The following TMEM178B variants were observed in gnomAD, a reference collection of about 807,000 sequenced individuals.
TMEM178B encodes the protein transmembrane protein 178B.
A neutral mutation model predicts 31.0 loss-of-function variants in TMEM178B; 5 were observed. The observed-to-expected ratio is 0.16, with a 90% CI of 0.08 to 0.34. The LOEUF (loss-of-function observed/expected upper bound fraction) is 0.34. Among genes scored for constraint, TMEM178B ranks in the 10% least tolerant of loss-of-function variants. The pLI is 1.00. For synonymous variants in TMEM178B, 164 were observed against 164.0 expected (o/e 1.00, Z 0.00); for missense variants, 275 against 400.3 (o/e 0.69, Z 2.67).
At chr7:141,183,988 A>G (rs563845550) in intron 1 of TMEM178B, among the ~76,000 whole-genome samples, 1 of 152,144 alleles carries the variant, frequency 6.6e-6, no homozygotes, top group Non-Finnish European at 1.5e-5. Flanking sequence ...TCAACCAGTG[A>G]TGCTTCTTGG....
intron 1 of TMEM178B, among the ~76,000 whole-genome samples, chr7:141,207,106 A>C (rs1796979030): frequency 1.3e-5 from 2 of 152,346 alleles, no homozygotes; most frequent in Non-Finnish European, 2.9e-5. Flanking sequence ...TGCATGCAGC[A>C]AGCTTCCCTT....
chr7:141,483,075 C>A (rs1302553188), downstream of TMEM178B, among the ~76,000 whole-genome samples: 1 of 152,114 alleles, frequency 6.6e-6, no homozygotes, highest in Non-Finnish European at 1.5e-5. Context: ...TCTAGCATGA[C>A]CCAAGGTACA....
Position 141,338,526 on chromosome 7 carries a change from G to A in TMEM178B, c.497-99082G>A, listed in dbSNP as rs182069380. 2.4e-4 allele frequency among the ~76,000 whole-genome samples: 36 copies of A among 152,268 alleles called. No individual in the cohort carries two copies. The East Asian group carries it at 6.2e-3, about 26-fold the overall frequency. On this transcript the variant is annotated intron_variant, in intron 2 of 3. Transcript: ENST00000565468. ...CCTCTATTTGATATTGGATGGGGAT[G>A]GGAGAAAGGCAGGGGTGATGTCTAT...
At chr7:141,283,015 A>G (rs1798391105) in intron 2 of TMEM178B, among the ~76,000 whole-genome samples, 1 of 152,196 alleles carries the variant, frequency 6.6e-6, no homozygotes, top group Non-Finnish European at 1.5e-5. Flanking sequence ...CAACCTAATA[A>G]TGCTTCCTCT....
At chr7:141,174,874 T>C (rs1796402709) in intron 1 of TMEM178B, among the ~76,000 whole-genome samples, 1 of 152,228 alleles carries the variant, frequency 6.6e-6, no homozygotes, top group Non-Finnish European at 1.5e-5. Context: ...GTTTGTCAGA[T>C]GGATAGATTG....
At chr7:141,230,503 C>A (rs1006906845) in intron 2 of TMEM178B, among the ~76,000 whole-genome samples, 1 of 152,192 alleles carries the variant, frequency 6.6e-6, no homozygotes, top group East Asian at 1.9e-4. Flanking sequence ...CTCTACTGTC[C>A]TGTTACCTTA....
intron 1 of TMEM178B, among the ~76,000 whole-genome samples, chr7:141,193,038 A>G (rs1246534027): frequency 1.3e-5 from 2 of 151,892 alleles, no homozygotes; most frequent in Non-Finnish European, 2.9e-5. Context: ...TAATTGTTCC[A>G]CTCTGGCCAT....
chr7:141,324,908 T>C (rs1247204357), intron 2 of TMEM178B, among the ~76,000 whole-genome samples: 3 of 152,146 alleles, frequency 2.0e-5, no homozygotes, highest in African/African-American at 7.2e-5. Flanking sequence ...CACTCTCCAA[T>C]TGAAATCATA....
chr7:141,487,516 G>A, the TMEM178B span, among the ~76,000 whole-genome samples: 1 of 152,066 alleles, frequency 6.6e-6, no homozygotes, highest in East Asian at 1.9e-4. Flanking sequence ...GAGGCAGGCA[G>A]ATCACTTGAG....
intron 2 of TMEM178B, among the ~76,000 whole-genome samples, chr7:141,376,769 G>T (rs1017813210): frequency 6.6e-6 from 1 of 152,152 alleles, no homozygotes; most frequent in African/African-American, 2.4e-5. Flanking sequence ...TACTGGCTTG[G>T]TGTTTTCACA....
At chr7:141,323,703 T>A (rs1326924155) in intron 2 of TMEM178B, among the ~76,000 whole-genome samples, 1 of 152,208 alleles carries the variant, frequency 6.6e-6, no homozygotes, top group Non-Finnish European at 1.5e-5. Flanking sequence ...ATAGCAGTGG[T>A]TCTTCATGAA....
chr7:141,179,500 C>T (rs1796484495), intron 1 of TMEM178B, among the ~76,000 whole-genome samples: 1 of 151,894 alleles, frequency 6.6e-6, no homozygotes, highest in Non-Finnish European at 1.5e-5. Flanking sequence ...TATGCAGTGT[C>T]ACTGGAAACT....
chr7:141,500,333 TG>T, the TMEM178B span, among the ~76,000 whole-genome samples: 2 of 152,050 alleles, frequency 1.3e-5, no homozygotes, highest in Non-Finnish European at 2.9e-5. Flanking sequence ...CATAAGCCAA[TG>T]GGAATGGATG....
chr7:141,120,218 A>T (rs1403747538), intron 1 of TMEM178B, among the ~76,000 whole-genome samples: 1 of 152,224 alleles, frequency 6.6e-6, no homozygotes, highest in Non-Finnish European at 1.5e-5. Context: ...GGGCAAGTTC[A>T]ACCTTCCTTT....
At chr7:141,186,617 C>T (rs1430172830) in intron 1 of TMEM178B, among the ~76,000 whole-genome samples, 1 of 152,244 alleles carries the variant, frequency 6.6e-6, no homozygotes, top group Non-Finnish European at 1.5e-5. Context: ...CTGGCATCAT[C>T]TTCACTTGAG....
rs1269816606 is a variant in TMEM178B at position 141,074,906 on chromosome 7, C to G, written c.382+214C>G. 2.6e-5 allele frequency among the ~76,000 whole-genome samples: 4 copies of G among 152,232 alleles called. No individual in the cohort carries two copies. The highest frequency in any genetic ancestry group is 5.9e-5 in the Non-Finnish European group (4 of 68,040). ...GGCTTAACTCTCTCCCCTGCCTCTC[C>G]TTTCGCGCGTCTCTGTCGGGATTCG... On this transcript the variant is annotated intron_variant, in intron 1 of 3. Transcript: ENST00000565468. This position sits in a 1 kb window ranked among gnomAD's most constrained non-coding sequence, Gnocchi z 5.1.
downstream of TMEM178B, among the ~76,000 whole-genome samples, chr7:141,481,393 G>T (rs981410526): frequency 7.2e-5 from 11 of 152,250 alleles, no homozygotes; most frequent in Admixed American, 6.5e-4. Flanking sequence ...ATTAGAGGTG[G>T]GATGGCTGAG....
rs555798522 is a variant in TMEM178B, at chr7:141,196,668, G to A, written c.383-15923G>A. 3.3e-5 allele frequency among the ~76,000 whole-genome samples: 5 copies of A among 152,122 alleles called. No individual in the cohort carries two copies. The East Asian group carries it at 5.8e-4, about 18-fold the overall frequency. ...GCAGGTCAAAGGTGAGTCCTAAATCGTGACTCCCCTGGGTGCGTCGAATAT... is the reference window on the plus strand; with the variant it reads ...GCAGGTCAAAGGTGAGTCCTAAATCATGACTCCCCTGGGTGCGTCGAATAT... On this transcript the variant is annotated intron_variant, in intron 1 of 3. Coordinates refer to ENST00000565468, the MANE Select transcript of TMEM178B (RefSeq NM_001195278.2).
Position 141,235,484 on chromosome 7 carries a change from A to G in TMEM178B, c.496+22780A>G, listed in dbSNP as rs564051536. ...TAAAAACATTCATTTTAAGTTATTA[A>G]TCTAATCATGGAATTTTATAGCTAG... On this transcript the variant is annotated intron_variant, in intron 2 of 3. Transcript: ENST00000565468. Among the ~76,000 whole-genome samples the G allele has an allele frequency of 8.2e-4, 125 of 152,346 alleles. 2 individuals carry two copies. The highest frequency in any genetic ancestry group is 2.8e-3 in the African/African-American group (118 of 41,586).
Sources: allele counts gnomAD v4.1 joint callset (sites outside exome capture counted in the v4.1 genomes callset), GRCh38; gene constraint gnomAD v4.1.1; non-coding constraint Gnocchi (gnomAD v3.1); transcripts MANE v1.5; gene names NCBI Gene and HGNC (gene_info 2026-07-23, HGNC 2026-07-21).